PRORP: variants seen among roughly 807,000 people sequenced by gnomAD.
PRORP encodes mitochondrial ribonuclease P catalytic subunit.
In PRORP, 51 loss-of-function variants were observed where a neutral mutation model predicts 59.4. The ratio of observed to expected loss-of-function variants is 0.86; its 90% CI spans 0.69 to 1.08. The LOEUF (loss-of-function observed/expected upper bound fraction) is 1.08. Among genes scored for constraint, PRORP ranks in the 50% least tolerant of loss-of-function variants. The pLI, the probability that PRORP is intolerant of heterozygous loss-of-function variation, is 0.00. For synonymous variants in PRORP, 231 were observed against 245.6 expected, an observed-to-expected ratio of 0.94 and a Z score of 0.55; for missense variants, 646 against 690.3, an observed-to-expected ratio of 0.94 and a Z score of 0.72.
intron 5 of PRORP, among the ~76,000 whole-genome samples, chr14:35,215,491 C>T (rs1341034248): frequency 6.6e-6 from 1 of 152,024 alleles, no homozygotes; most frequent in African/African-American, 2.4e-5. Flanking sequence ...CAAATATAGA[C>T]AGTTTTGTCA....
At chr14:35,223,476 T>TTG (rs1555329836) in intron 5 of PRORP, among the ~76,000 whole-genome samples, 13 of 135,648 alleles carry the variant, frequency 9.6e-5, no homozygotes, top group African/African-American at 3.6e-4. Context: ...TTTTTTTTTT[T>TTG]TGAGATGGAG....
chr14:35,159,264 C>G (rs2048000718), intron 4 of PRORP, among the ~76,000 whole-genome samples: 1 of 152,232 alleles, frequency 6.6e-6, no homozygotes, highest in Non-Finnish European at 1.5e-5. Flanking sequence ...CGTGCGTCAG[C>G]CAGTGCCAGC....
At chr14:35,158,395 A>G (rs2047973090) in intron 4 of PRORP, 3 of 307,446 alleles carry the variant, frequency 9.8e-6, no homozygotes, top group African/African-American at 2.2e-5. Context: ...GCCTTCCCCT[A>G]ACCCTTTTGC....
At chr14:35,147,062 A>G (rs1219339588) in intron 4 of PRORP, among the ~76,000 whole-genome samples, 2 of 152,122 alleles carry the variant, frequency 1.3e-5, no homozygotes, top group Non-Finnish European at 2.9e-5. Flanking sequence ...TGTGCCACTG[A>G]ACTCCAGCCT....
chr14:35,166,596 C>T (rs922431392), intron 4 of PRORP, among the ~76,000 whole-genome samples: 1 of 151,922 alleles, frequency 6.6e-6, no homozygotes, highest in Admixed American at 6.6e-5. Flanking sequence ...ACTACAGGCG[C>T]GTGCCACCAC....
intron 4 of PRORP, among the ~76,000 whole-genome samples, chr14:35,177,156 G>T (rs2048474004): frequency 1.3e-5 from 2 of 151,830 alleles, no homozygotes; most frequent in African/African-American, 4.8e-5. Context: ...GTATTTTATT[G>T]AGGATTTTTC....
intron 4 of PRORP, chr14:35,158,738 A>G (rs2138937042): frequency 5.2e-6 from 2 of 383,174 alleles, no homozygotes; most frequent in Non-Finnish European, 5.2e-6. Context: ...TCCAAATCCT[A>G]TTTGGTATCA....
intron 5 of PRORP, among the ~76,000 whole-genome samples, chr14:35,187,119 ATTTAGGCACAAGT>A (rs2048761081): frequency 6.6e-6 from 1 of 152,176 alleles, no homozygotes; most frequent in Admixed American, 6.5e-5. Flanking sequence ...TACTATGAAC[ATTTAGGCACAAGT>A]TTTTGTGTGG....
intron 4 of PRORP, among the ~76,000 whole-genome samples, chr14:35,135,948 ACT>A (rs746029223): frequency 1.3e-4 from 19 of 145,914 alleles, no homozygotes; most frequent in Non-Finnish European, 2.5e-4. Flanking sequence ...TCAGAGCAAG[ACT>A]CTGTCTCAAA....
chr14:35,237,007 C>T (rs1305051916), intron 5 of PRORP, among the ~76,000 whole-genome samples: 5 of 147,028 alleles, frequency 3.4e-5, no homozygotes, highest in Admixed American at 1.4e-4. Flanking sequence ...CCCTCCTTCA[C>T]TCCTTCCTTC....
At chr14:35,201,631 T>TTTTATTTA (rs762557804) in intron 5 of PRORP, among the ~76,000 whole-genome samples, 2,430 of 151,574 alleles carry the variant, frequency 0.016, 54 homozygotes, top group African/African-American at 0.052. Context: ...GTATACAAAA[T>TTTTATTTA]TTTATTTATT....
At chr14:35,255,367 T>A (rs2050724667) in intron 5 of PRORP, among the ~76,000 whole-genome samples, 1 of 152,124 alleles carries the variant, frequency 6.6e-6, no homozygotes, top group Admixed American at 6.5e-5. Flanking sequence ...TGACCTCAAA[T>A]GATCCACCCG....
intron 5 of PRORP, among the ~76,000 whole-genome samples, chr14:35,242,475 G>A (rs1421800586): frequency 6.6e-6 from 1 of 151,980 alleles, no homozygotes; most frequent in Non-Finnish European, 1.5e-5. Flanking sequence ...TTGTTGGGGG[G>A]GAGTCAAATC....
intron 4 of PRORP, among the ~76,000 whole-genome samples, chr14:35,128,286 T>G (rs572197934): frequency 4.0e-4 from 60 of 150,600 alleles, no homozygotes; most frequent in Middle Eastern, 6.9e-3. Context: ...TTGTTTTTTT[T>G]TTGTTGTTTT....
At chr14:35,231,459 G>A (rs1473684727) in intron 5 of PRORP, among the ~76,000 whole-genome samples, 3 of 152,022 alleles carry the variant, frequency 2.0e-5, no homozygotes, top group Non-Finnish European at 4.4e-5. Context: ...ACAGCAAAGA[G>A]CTATGTGTTT....
At chr14:35,185,024 T>C (rs1238856503) in intron 5 of PRORP, among the ~76,000 whole-genome samples, 3 of 152,218 alleles carry the variant, frequency 2.0e-5, no homozygotes, top group Non-Finnish European at 4.4e-5. Flanking sequence ...TTTCTACTCA[T>C]CTGGGTATAT....
chr14:35,188,191 A>ATTTTT (rs35907061), intron 5 of PRORP, among the ~76,000 whole-genome samples: 1 of 111,022 alleles, frequency 9.0e-6, no homozygotes, highest in Non-Finnish European at 1.8e-5. Context: ...TTGAGTTGTA[A>ATTTTT]TTTTTTTTTT....
chr14:35,251,602 C>T (rs1054262636), intron 5 of PRORP, among the ~76,000 whole-genome samples: 8 of 152,070 alleles, frequency 5.3e-5, no homozygotes, highest in African/African-American at 1.9e-4. Context: ...CTCTGTTGCC[C>T]AGGCTAGAGT....
intron 2 of PRORP, among the ~76,000 whole-genome samples, chr14:35,124,904 T>C (rs2047059416): frequency 6.6e-6 from 1 of 150,700 alleles, no homozygotes; most frequent in Non-Finnish European, 1.5e-5. Context: ...GTTTTGCTCT[T>C]GTTGCCAGGC....
Sources: allele counts gnomAD v4.1 joint callset (sites outside exome capture counted in the v4.1 genomes callset), GRCh38; gene constraint gnomAD v4.1.1; transcripts MANE v1.5; gene names NCBI Gene and HGNC (gene_info 2026-07-23, HGNC 2026-07-21).